Variants in SORCS3 observed in about 807,000 individuals in gnomAD.
SORCS3 encodes VPS10 domain-containing receptor SorCS3.
SORCS3 carries 57 observed loss-of-function variants against 146.3 expected under a neutral mutation model. That is an observed-to-expected ratio of 0.39 (90% confidence interval 0.31 to 0.49). The LOEUF is 0.49. Among genes scored for constraint, SORCS3 ranks in the 20% least tolerant of loss-of-function variants. SORCS3 has a pLI of 0.92. For synonymous variants in SORCS3, 653 were observed against 618.5 expected (o/e 1.06, Z -0.83); for missense variants, 1,341 against 1,575.5 (o/e 0.85, Z 2.52).
At chr10:105,041,560 A>C (rs2055338764) in intron 4 of SORCS3, among the ~76,000 whole-genome samples, 2 of 150,812 alleles carry the variant, frequency 1.3e-5, no homozygotes, top group South Asian at 4.2e-4. Context: ...TGTCTCTACT[A>C]GACAAAAATA....
chr10:105,111,934 G>A (rs1315861536), intron 7 of SORCS3, among the ~76,000 whole-genome samples: 1 of 152,184 alleles, frequency 6.6e-6, no homozygotes, highest in African/African-American at 2.4e-5. Context: ...AATGTACCAG[G>A]ACCTCTTATA....
chr10:104,892,389 T>C (rs1459372164), intron 2 of SORCS3, among the ~76,000 whole-genome samples: 1 of 152,156 alleles, frequency 6.6e-6, no homozygotes, highest in East Asian at 1.9e-4. Flanking sequence ...ATATGTTACT[T>C]GTCTGTAAGC....
chr10:104,964,766 G>A (rs1236524007), intron 3 of SORCS3, among the ~76,000 whole-genome samples: 1 of 152,074 alleles, frequency 6.6e-6, no homozygotes, highest in Non-Finnish European at 1.5e-5. Context: ...ATTTTTAAGT[G>A]TACAGTTTAG....
intron 7 of SORCS3, among the ~76,000 whole-genome samples, chr10:105,137,680 A>G (rs1337311073): frequency 6.6e-6 from 1 of 152,134 alleles, no homozygotes; most frequent in Non-Finnish European, 1.5e-5. Context: ...TCACCTGGAA[A>G]TTTATTAGAA....
intron 20 of SORCS3, among the ~76,000 whole-genome samples, chr10:105,240,947 A>ATAT (rs1554889288): frequency 7.0e-6 from 1 of 143,538 alleles, no homozygotes; most frequent in Admixed American, 7.0e-5. Context: ...CACTGAAAAA[A>ATAT]ATATATATAT....
chr10:105,125,246 TTTTC>T (rs1212526253), intron 7 of SORCS3, among the ~76,000 whole-genome samples: 1 of 152,198 alleles, frequency 6.6e-6, no homozygotes, highest in Non-Finnish European at 1.5e-5. Flanking sequence ...TCCTGGCTAA[TTTTC>T]TTTATTATTG....
intron 3 of SORCS3, among the ~76,000 whole-genome samples, chr10:104,924,217 A>G (rs892139808): frequency 2.0e-5 from 3 of 152,138 alleles, no homozygotes; most frequent in African/African-American, 7.2e-5. Context: ...AGAAGAGGCC[A>G]CTCAGGGACT....
chr10:105,255,976 G>T (rs889682770), intron 24 of SORCS3, among the ~76,000 whole-genome samples, 175 bp downstream of exon 24: 1 of 152,172 alleles, frequency 6.6e-6, no homozygotes, highest in African/African-American at 2.4e-5. Flanking sequence ...TGTTCTGAAG[G>T]CATCCTGCAA....
At chr10:104,945,287 G>A (rs1023781987) in intron 3 of SORCS3, among the ~76,000 whole-genome samples, 2 of 146,670 alleles carry the variant, frequency 1.4e-5, no homozygotes, top group South Asian at 2.1e-4. Flanking sequence ...ATGGAGTCTC[G>A]CTCTGTCAGG....
chr10:104,975,580 C>CA (rs2054891135), intron 3 of SORCS3, among the ~76,000 whole-genome samples: 1 of 152,050 alleles, frequency 6.6e-6, no homozygotes, highest in African/African-American at 2.4e-5. Context: ...CATATGGAGC[C>CA]AAAAAAGAGC....
chr10:105,161,866 T>C (rs1332523153), intron 11 of SORCS3, among the ~76,000 whole-genome samples: 1 of 152,164 alleles, frequency 6.6e-6, no homozygotes, highest in African/African-American at 2.4e-5. Flanking sequence ...CTCTGTTCTG[T>C]AGCCCTTCAG....
At chr10:104,967,661 T>C (rs539623880) in intron 3 of SORCS3, among the ~76,000 whole-genome samples, 2 of 152,242 alleles carry the variant, frequency 1.3e-5, no homozygotes, top group South Asian at 4.1e-4. Flanking sequence ...TCAGTTGTGC[T>C]CTTATCCTAG....
At position 105,058,990 on chromosome 10, in the gene SORCS3, A is replaced by T. The variant is rs531737013; in HGVS notation, c.1028+15862A>T. On this transcript the variant is annotated intron_variant, in intron 5 of 26. Coordinates refer to ENST00000369701, the MANE Select transcript of SORCS3 (RefSeq NM_014978.3). ...AAAAAGAAATTTTAAAAATGCCGAT[A>T]GTTTCTTCGGCCCCACCTGGAAATC... Among the ~76,000 whole-genome samples the T allele has an allele frequency of 4.6e-5, 7 of 152,284 alleles. No individual in the cohort carries two copies. The South Asian group carries it at 1.5e-3, about 32-fold the overall frequency.
At chr10:104,726,466 G>T (rs1427086892) in intron 1 of SORCS3, among the ~76,000 whole-genome samples, 6 of 152,144 alleles carry the variant, frequency 3.9e-5, no homozygotes, top group Non-Finnish European at 8.8e-5. Context: ...GGTAAGGCCT[G>T]CGTGTGCCAT....
chr10:105,076,781 C>T (rs561913591), intron 5 of SORCS3, among the ~76,000 whole-genome samples: 1 of 152,216 alleles, frequency 6.6e-6, no homozygotes, highest in Non-Finnish European at 1.5e-5. Context: ...AGTGCTTACA[C>T]ACAGTAGGTA....
chr10:105,047,798 C>T (rs996373306), intron 5 of SORCS3, among the ~76,000 whole-genome samples: 1 of 152,036 alleles, frequency 6.6e-6, no homozygotes, highest in Non-Finnish European at 1.5e-5. Context: ...GTGTTTGTGC[C>T]AGCAGCTTCT....
chr10:105,195,267 T>G lies in SORCS3; in HGVS notation c.2010-4732T>G, dbSNP rs147461520. Reference sequence around the variant, plus strand: ...ACTTAAGAGGAGTATTTCTGGCAGATGAGAAACTTTTACTGGAACTTGATT... The same window carrying G: ...ACTTAAGAGGAGTATTTCTGGCAGAGGAGAAACTTTTACTGGAACTTGATT... On this transcript the variant is annotated intron_variant, in intron 14 of 26. Coordinates refer to ENST00000369701, the MANE Select transcript of SORCS3 (RefSeq NM_014978.3). Among the ~76,000 whole-genome samples, 516 of 152,270 alleles carry G rather than the reference T, an allele frequency of 3.4e-3. 4 individuals carry two copies. Among genetic ancestry groups the G allele is most frequent in the African/African-American group, 0.011 (476 of 41,552 alleles).
rs1480766605 is a variant in SORCS3, at chr10:104,662,628, T to A, written c.627+20674T>A. Among the ~76,000 whole-genome samples the A allele has an allele frequency of 2.6e-5, 4 of 152,268 alleles. No individual in the cohort carries two copies. In the East Asian group the frequency reaches 7.7e-4, roughly 29 times the overall value. ...CTGACCCCATGAGGGCTAAGATGGGTTTTCAGCTCCTGGGCCTTTTTGCAA... is the reference window on the plus strand; with the variant it reads ...CTGACCCCATGAGGGCTAAGATGGGATTTCAGCTCCTGGGCCTTTTTGCAA... On this transcript the variant is annotated intron_variant, in intron 1 of 26. Coordinates refer to ENST00000369701, the MANE Select transcript of SORCS3 (RefSeq NM_014978.3).
Position 105,200,022 on chromosome 10 carries a change from G to T in SORCS3, c.2033G>T (p.Arg678Leu), listed in dbSNP as rs146574756. 3.1e-6 allele frequency: 5 copies of T among 1,613,492 alleles called. No homozygotes were observed. The highest frequency in any genetic ancestry group is 3.4e-6 in the Non-Finnish European group (4 of 1,179,594). ...IMTVFGHFSLRSEWQLVKVDY... is the reference protein window; with the variant it reads ...IMTVFGHFSLLSEWQLVKVDY... The stretch of plus-strand genomic sequence containing the variant: ...AGAGTTTTTGGCCACTTCAGCCTCC[G>T]CTCCGAATGGCAATTGGTGAAAGTG... The change falls in exon 15 of 27, where the codon CGC becomes CTC. Residue 678 changes from arginine to leucine, a missense_variant. By Grantham distance (102) the Arg-to-Leu change is moderately radical (BLOSUM62 -2). Transcript: ENST00000369701.
Sources: allele counts gnomAD v4.1 joint callset (sites outside exome capture counted in the v4.1 genomes callset), GRCh38; gene constraint gnomAD v4.1.1; transcripts MANE v1.5; gene names NCBI Gene and HGNC (gene_info 2026-07-23, HGNC 2026-07-21).